Variants in OGG1 observed in about 807,000 individuals in gnomAD.
OGG1 encodes the protein 8-oxoguanine DNA glycosylase, also known as N-glycosylase/DNA lyase.
OGG1 carries 35 observed loss-of-function variants against 42.3 expected under a neutral mutation model. The ratio of observed to expected loss-of-function variants is 0.83; its 90% CI spans 0.63 to 1.10. The LOEUF (loss-of-function observed/expected upper bound fraction) is 1.10, where lower values mean the gene tolerates loss of function less well. OGG1 is among the 50% of genes least tolerant of loss of function. OGG1 has a pLI of 0.00. For synonymous variants in OGG1, 189 were observed against 179.0 expected, an observed-to-expected ratio of 1.06 and a Z score of -0.44; for missense variants, 484 against 446.7, an observed-to-expected ratio of 1.08 and a Z score of -0.75.
At chr3:9,764,432 C>A (rs1187168887) in intron 7 of OGG1, among the ~76,000 whole-genome samples, 1 of 152,016 alleles carries the variant, frequency 6.6e-6, no homozygotes, top group East Asian at 1.9e-4. Flanking sequence ...TCTTTCTCAG[C>A]CTCTCAAGTA....
chr3:9,787,286 CCAG>C, intron 3 of OGG1: 1 of 1,614,202 alleles, frequency 6.2e-7, no homozygotes, highest in Non-Finnish European at 8.5e-7. Flanking sequence ...TTCTGCTCCT[CCAG>C]CAGGTCCTCC....
At chr3:9,780,635 G>A (rs2078437961) in intron 2 of OGG1, 2 of 1,389,788 alleles carry the variant, frequency 1.4e-6, no homozygotes, top group African/African-American at 2.9e-5. Context: ...CTACCCACCA[G>A]CCCAGGCTGG....
downstream of OGG1, chr3:9,761,993 C>T (rs781404028): frequency 1.0e-5 from 5 of 486,850 alleles, no homozygotes; most frequent in African/African-American, 3.9e-5. Context: ...CACTGTAAAG[C>T]CCTAAAGGAA....
chr3:9,767,987 ATTCT>A (rs1322744505), downstream of OGG1, among the ~76,000 whole-genome samples: 4 of 152,204 alleles, frequency 2.6e-5, no homozygotes, highest in Non-Finnish European at 4.4e-5. Context: ...TGGCAGCAAA[ATTCT>A]TTATTTAACA....
chr3:9,763,190 G>T (rs1267006800), intron 7 of OGG1: 3 of 1,613,854 alleles, frequency 1.9e-6, no homozygotes, highest in East Asian at 2.2e-5. Context: ...GTCATCCAGG[G>T]CTACAATGTT....
At position 9,778,180 on chromosome 3, in the gene OGG1, A is replaced by C. The variant is rs927901350; in HGVS notation, c.295-3333A>C. Among the ~76,000 whole-genome samples the C allele has an allele frequency of 3.9e-5, 6 of 152,162 alleles. No individual in the cohort carries two copies. In the South Asian group the frequency reaches 6.2e-4, roughly 16 times the overall value. On this transcript the variant is annotated intron_variant, in intron 2 of 3. Coordinates refer to the OGG1 transcript ENST00000426518. ...AGAACAATGCCTGGTGCATACTAAC[A>C]TTTACTGAGCCCTTCATTGCATTAT...
intron 3 of OGG1, among the ~76,000 whole-genome samples, chr3:9,752,552 A>AAAAAAAAT (rs1553700331): frequency 6.9e-6 from 1 of 145,142 alleles, no homozygotes; most frequent in Non-Finnish European, 1.5e-5. Flanking sequence ...AAAAAAAAAA[A>AAAAAAAAT]TTCAAGCTGG....
downstream of OGG1, chr3:9,757,439 G>A (rs754412292): frequency 2.5e-6 from 4 of 1,607,626 alleles, no homozygotes; most frequent in Non-Finnish European, 3.4e-6. The surrounding 1 kb of genome is among the most constrained non-coding windows in gnomAD (Gnocchi z 4.5). Flanking sequence ...AGCAGGTGAG[G>A]AGGGGACAGG....
chr3:9,783,825 A>C, intron 3 of OGG1: 4 of 911,370 alleles, frequency 4.4e-6, no homozygotes, highest in Non-Finnish European at 6.1e-6. Context: ...TCAGTCACAG[A>C]TGCCTGAGCC....
chr3:9,766,053 C>A, exon 8 of OGG1: 1 of 1,594,876 alleles, frequency 6.3e-7, no homozygotes, highest in Non-Finnish European at 8.5e-7. Context: ...GGTCACATGA[C>A]CCAGGCCTGG....
At chr3:9,783,134 G>A (rs2078518962) in intron 3 of OGG1, 2 of 152,104 alleles carry the variant, frequency 1.3e-5, no homozygotes, top group African/African-American at 4.8e-5. Context: ...AGTCTAGGTG[G>A]AGAATATACT....
intron 7 of OGG1, chr3:9,763,015 T>C (rs1247530400): frequency 1.2e-6 from 2 of 1,614,122 alleles, no homozygotes; most frequent in East Asian, 4.5e-5. Flanking sequence ...TAGAAGCCTT[T>C]TTCCACAATA....
chr3:9,768,934 C>T (rs1203117894), downstream of OGG1, among the ~76,000 whole-genome samples: 1 of 152,018 alleles, frequency 6.6e-6, no homozygotes, highest in Non-Finnish European at 1.5e-5. Context: ...GTCTGAAACC[C>T]ACATGGAGGC....
intron 4 of OGG1, among the ~76,000 whole-genome samples, chr3:9,755,948 T>C (rs1023034244): frequency 1.3e-5 from 2 of 152,220 alleles, no homozygotes; most frequent in South Asian, 2.1e-4. Flanking sequence ...GGTGTGGTAA[T>C]ACCTTCTTCC....
rs181799168 is a variant in OGG1, at chr3:9,782,548, C to T, written c.382+948C>T. On this transcript the variant is annotated intron_variant, in intron 3 of 3. Coordinates refer to the OGG1 transcript ENST00000426518. The stretch of plus-strand genomic sequence containing the variant: ...CTCCTTTTAATGGCACTTATCTTTA[C>T]TGATCATCTGCTAGTAATCTGCAAG... 4.6e-5 allele frequency among the ~76,000 whole-genome samples: 7 copies of T among 152,356 alleles called. No individual in the cohort carries two copies. In the East Asian group the frequency reaches 9.6e-4, roughly 21 times the overall value.
chr3:9,786,811 G>C (rs2078624834), intron 3 of OGG1, among the ~76,000 whole-genome samples: 1 of 152,170 alleles, frequency 6.6e-6, no homozygotes, highest in African/African-American at 2.4e-5. Flanking sequence ...TTTATGATCT[G>C]TGCACTTTTC....
At chr3:9,775,618 T>C (rs971306486) in intron 2 of OGG1, among the ~76,000 whole-genome samples, 2 of 151,892 alleles carry the variant, frequency 1.3e-5, no homozygotes, top group African/African-American at 4.8e-5. Context: ...TTATATATAA[T>C]GTAAGGCTAT....
At chr3:9,777,337 C>T (rs1251282077) in intron 2 of OGG1, among the ~76,000 whole-genome samples, 5 of 152,218 alleles carry the variant, frequency 3.3e-5, no homozygotes, top group Admixed American at 1.3e-4. Context: ...GACAACCCAG[C>T]TTCCTCCACA....
chr3:9,763,022 A>G, intron 7 of OGG1: 1 of 1,614,076 alleles, frequency 6.2e-7, no homozygotes, highest in Non-Finnish European at 8.5e-7. Flanking sequence ...CTTTTTCCAC[A>G]ATACGGTCAA....
Sources: allele counts gnomAD v4.1 joint callset (sites outside exome capture counted in the v4.1 genomes callset), GRCh38; gene constraint gnomAD v4.1.1; non-coding constraint Gnocchi (gnomAD v3.1); transcripts MANE v1.5; gene names NCBI Gene and HGNC (gene_info 2026-07-23, HGNC 2026-07-21).